IL1RAPL1: variants seen among roughly 807,000 people sequenced by gnomAD.
The protein encoded by IL1RAPL1 is interleukin-1 receptor accessory protein-like 1.
IL1RAPL1 carries 3 observed loss-of-function variants against 48.4 expected under a neutral mutation model. The observed-to-expected ratio is 0.06, with a 90% CI of 0.03 to 0.16. The LOEUF (loss-of-function observed/expected upper bound fraction) is 0.16, where lower values mean the gene tolerates loss of function less well. Ranked by LOEUF, IL1RAPL1 falls within the 10% of genes least tolerant of loss-of-function variation. The pLI is 1.00. For missense variants in IL1RAPL1, 349 were observed against 530.6 expected (o/e 0.66, Z 3.36); for synonymous variants, 185 against 187.7 (o/e 0.99, Z 0.12).
intron 2 of IL1RAPL1, among the ~76,000 whole-genome samples, chrX:28,974,818 A>G (rs747466537): frequency 1.8e-5 from 2 of 111,828 alleles, no homozygotes; most frequent in African/African-American, 6.5e-5. Flanking sequence ...TGAAAAGTGG[A>G]CAATTATCAT....
intron 5 of IL1RAPL1, among the ~76,000 whole-genome samples, chrX:29,659,210 G>A (rs972289480): frequency 9.0e-6 from 1 of 111,684 alleles, no homozygotes; most frequent in Non-Finnish European, 1.9e-5. Context: ...ATACACCAAT[G>A]GAACGAAATA....
intron 2 of IL1RAPL1, among the ~76,000 whole-genome samples, chrX:28,958,260 A>G (rs1207376844): frequency 9.0e-6 from 1 of 111,610 alleles, no homozygotes; most frequent in East Asian, 2.8e-4. Flanking sequence ...TTTAAGCAAC[A>G]TATCTTCAAC....
intron 3 of IL1RAPL1, among the ~76,000 whole-genome samples, chrX:29,358,668 C>T (rs981473367): frequency 2.9e-4 from 32 of 110,591 alleles, no homozygotes; most frequent in Non-Finnish European, 5.7e-4. Context: ...ATCAACTCTG[C>T]TACTTATCAT....
chrX:29,790,661 T>G (rs1347364418), intron 6 of IL1RAPL1, among the ~76,000 whole-genome samples: 2 of 112,012 alleles, frequency 1.8e-5, no homozygotes, highest in Non-Finnish European at 3.8e-5. Flanking sequence ...GTTTTTCCTC[T>G]CCTACTGCCT....
At chrX:29,507,623 TA>T (rs201893017) in intron 5 of IL1RAPL1, among the ~76,000 whole-genome samples, 3 of 104,614 alleles carry the variant, frequency 2.9e-5, no homozygotes, top group Non-Finnish European at 1.9e-5. Flanking sequence ...TCTTTATTCT[TA>T]AAAAAACAAC....
At chrX:29,685,252 C>T (rs749466766) in intron 6 of IL1RAPL1, among the ~76,000 whole-genome samples, 1 of 111,967 alleles carries the variant, frequency 8.9e-6, no homozygotes, top group South Asian at 3.7e-4. Context: ...CCTGTAATGC[C>T]AGCACTTTGG....
intron 2 of IL1RAPL1, among the ~76,000 whole-genome samples, chrX:29,253,053 A>G (rs1426856563): frequency 9.0e-6 from 1 of 111,192 alleles, no homozygotes. Context: ...ATTATTATCC[A>G]TTATCTGAGA....
At chrX:29,086,255 C>G (rs1927949469) in intron 2 of IL1RAPL1, among the ~76,000 whole-genome samples, 1 of 112,321 alleles carries the variant, frequency 8.9e-6, no homozygotes, top group Non-Finnish European at 1.9e-5. Context: ...TACGTTTAGT[C>G]TGAATAACTT....
chrX:29,776,723 G>A (rs923132128), intron 6 of IL1RAPL1, among the ~76,000 whole-genome samples: 1 of 111,493 alleles, frequency 9.0e-6, no homozygotes, highest in Non-Finnish European at 1.9e-5. Flanking sequence ...TTTTTGATCA[G>A]CTGTGGGTGC....
chrX:29,076,806 A>ATCTG (rs1927686099), intron 2 of IL1RAPL1, among the ~76,000 whole-genome samples: 2 of 83,870 alleles, frequency 2.4e-5, no homozygotes, highest in Non-Finnish European at 4.8e-5. Flanking sequence ...CTGTCTGTCT[A>ATCTG]TCTATCTATC....
At position 29,502,058 on chromosome X, in the gene IL1RAPL1, T is replaced by G. The variant is rs758841988; in HGVS notation, c.703+102750T>G. ...ACTTTCACTCCTTTGGCTAAATTGA[T>G]TCCTAGATATTTTATATTCTTTGTA... On this transcript the variant is annotated intron_variant, in intron 5 of 10. Transcript: ENST00000378993. 2.7e-5 allele frequency among the ~76,000 whole-genome samples: 3 copies of G among 111,279 alleles called. No homozygotes were observed. The South Asian group carries it at 1.1e-3, about 41-fold the overall frequency.
At chrX:28,996,711 G>A (rs773901638) in intron 2 of IL1RAPL1, among the ~76,000 whole-genome samples, 5 of 110,395 alleles carry the variant, frequency 4.5e-5, no homozygotes, top group East Asian at 2.9e-4. Flanking sequence ...CATTCACAAC[G>A]TTGTGCAACC....
At chrX:28,748,772 A>T (rs928269086) in intron 1 of IL1RAPL1, among the ~76,000 whole-genome samples, 1 of 111,275 alleles carries the variant, frequency 9.0e-6, no homozygotes, top group East Asian at 2.8e-4. Flanking sequence ...AACCTCGGGG[A>T]TTTATCATTT....
chrX:29,388,106 C>CAAAAAAAAAAAAAAAAAAAAAAA (rs71862742), intron 3 of IL1RAPL1, among the ~76,000 whole-genome samples: 1 of 51,716 alleles, frequency 1.9e-5, no homozygotes, highest in Non-Finnish European at 3.4e-5. Context: ...AAGGTTAAGC[C>CAAAAAAAAAAAAAAAAAAAAAAA]AAAAAAAAAA....
rs1222703593 is a variant in IL1RAPL1, at chrX:29,569,279, C to G, written c.704-99151C>G. Among the ~76,000 whole-genome samples the G allele has an allele frequency of 6.3e-5, 7 of 110,591 alleles. No homozygotes were observed. The East Asian group carries it at 2.0e-3, about 31-fold the overall frequency. ...TAGAGTATGATTGAAAAAAATGTAA[C>G]TAGAGTGGTTTTCTCTTTTCTGTAG... On this transcript the variant is annotated intron_variant, in intron 5 of 10. Transcript: ENST00000378993.
intron 5 of IL1RAPL1, among the ~76,000 whole-genome samples, chrX:29,481,983 T>C (rs1226818165): frequency 8.0e-5 from 9 of 111,829 alleles, no homozygotes; most frequent in African/African-American, 2.9e-4. Flanking sequence ...TGTATATGCT[T>C]CACCTTTTTA....
At chrX:29,759,326 G>A (rs1601811072) in intron 6 of IL1RAPL1, among the ~76,000 whole-genome samples, 2 of 111,654 alleles carry the variant, frequency 1.8e-5, no homozygotes, top group Non-Finnish European at 3.8e-5. Context: ...TCTGAGGTTG[G>A]CCTTTGCAGT....
At chrX:29,380,750 C>T (rs1933686627) in intron 3 of IL1RAPL1, among the ~76,000 whole-genome samples, 1 of 111,873 alleles carries the variant, frequency 8.9e-6, no homozygotes, top group African/African-American at 3.2e-5. Flanking sequence ...TACTACATTC[C>T]GAGTATCACT....
At chrX:28,728,143 CTTA>C (rs1484335057) in intron 1 of IL1RAPL1, among the ~76,000 whole-genome samples, 2 of 111,341 alleles carry the variant, frequency 1.8e-5, no homozygotes, top group East Asian at 2.8e-4. Flanking sequence ...TGATGGATTT[CTTA>C]TTATATCAGA....
Sources: allele counts gnomAD v4.1 joint callset (sites outside exome capture counted in the v4.1 genomes callset), GRCh38; gene constraint gnomAD v4.1.1; transcripts MANE v1.5; gene names NCBI Gene and HGNC (gene_info 2026-07-23, HGNC 2026-07-21).